The following MACROD2 variants were observed in gnomAD, a reference collection of about 807,000 sequenced individuals.
The protein encoded by MACROD2 is ADP-ribose glycohydrolase MACROD2.
MACROD2 carries 36 observed loss-of-function variants against 70.4 expected under a neutral mutation model. That is an observed-to-expected ratio of 0.51 (90% CI 0.39 to 0.68). The LOEUF (loss-of-function observed/expected upper bound fraction) is 0.68, where lower values mean the gene tolerates loss of function less well. MACROD2 is among the 30% of genes least tolerant of loss of function. The pLI is 0.00. For missense variants in MACROD2, 496 were observed against 538.4 expected, an observed-to-expected ratio of 0.92 and a Z score of 0.78; for synonymous variants, 172 against 178.8, an observed-to-expected ratio of 0.96 and a Z score of 0.30.
chr20:15,844,865 T>C (rs1331662939), intron 8 of MACROD2, among the ~76,000 whole-genome samples: 1 of 150,152 alleles, frequency 6.7e-6, no homozygotes, highest in Non-Finnish European at 1.5e-5. Flanking sequence ...CAGCTGCATA[T>C]TTTTTTTTAT....
At chr20:15,432,882 G>T (rs556300679) in intron 7 of MACROD2, among the ~76,000 whole-genome samples, 1 of 152,042 alleles carries the variant, frequency 6.6e-6, no homozygotes, top group African/African-American at 2.4e-5. Flanking sequence ...TATACTATAA[G>T]TAGGGGGGTG....
At chr20:14,348,291 T>TAAAG (rs150685543) in intron 3 of MACROD2, among the ~76,000 whole-genome samples, 107 of 137,616 alleles carry the variant, frequency 7.8e-4, no homozygotes, top group South Asian at 1.8e-3. Flanking sequence ...ATAAATAAAA[T>TAAAG]AAAGAAAGAA....
chr20:15,015,488 T>C (rs2122946838), intron 5 of MACROD2, among the ~76,000 whole-genome samples: 1 of 152,048 alleles, frequency 6.6e-6, no homozygotes, highest in South Asian at 2.1e-4. Flanking sequence ...TTTTTTTTTT[T>C]GGTAGTACCC....
chr20:14,546,664 A>C (rs149541524), intron 4 of MACROD2, among the ~76,000 whole-genome samples: 1 of 151,936 alleles, frequency 6.6e-6, no homozygotes, highest in Non-Finnish European at 1.5e-5. Flanking sequence ...CCTTCTTTTG[A>C]TCCCAACTTT....
intron 5 of MACROD2, among the ~76,000 whole-genome samples, chr20:14,825,394 T>C (rs897411484): frequency 2.0e-5 from 3 of 152,092 alleles, no homozygotes; most frequent in Admixed American, 6.6e-5. Context: ...TAGAAAGGTC[T>C]CCATATTGGT....
intron 6 of MACROD2, among the ~76,000 whole-genome samples, chr20:15,417,232 G>T (rs11087135): frequency 0.13 from 19,823 of 151,936 alleles, 1,486 homozygotes; most frequent in South Asian, 0.26. Flanking sequence ...ACAATTATCT[G>T]GTGTAGCCAT....
intron 3 of MACROD2, among the ~76,000 whole-genome samples, chr20:14,273,105 A>G (rs1256889859): frequency 1.3e-5 from 2 of 152,044 alleles, no homozygotes; most frequent in African/African-American, 4.8e-5. Flanking sequence ...AGTTAACAAG[A>G]ATACCCAGGA....
chr20:14,983,116 C>T (rs1186803196), intron 5 of MACROD2, among the ~76,000 whole-genome samples: 1 of 152,168 alleles, frequency 6.6e-6, no homozygotes, highest in Non-Finnish European at 1.5e-5. Flanking sequence ...TTTGACTGCC[C>T]TGCTGGATTT....
At chr20:15,671,692 T>C (rs1211288850) in intron 8 of MACROD2, among the ~76,000 whole-genome samples, 1 of 152,214 alleles carries the variant, frequency 6.6e-6, no homozygotes, top group Admixed American at 6.5e-5. Context: ...TGAGATGGAA[T>C]CATGGGAACA....
At chr20:15,276,351 GATT>G (rs2077391790) in intron 6 of MACROD2, among the ~76,000 whole-genome samples, 1 of 142,586 alleles carries the variant, frequency 7.0e-6, no homozygotes, top group Non-Finnish European at 1.5e-5. Flanking sequence ...AGTGAGCCGA[GATT>G]GTGCCACTGC....
chr20:14,475,900 T>A (rs758994422), intron 3 of MACROD2, among the ~76,000 whole-genome samples: 1 of 152,028 alleles, frequency 6.6e-6, no homozygotes, highest in Non-Finnish European at 1.5e-5. Flanking sequence ...GTTATTTGGT[T>A]TGAATCTGAT....
At chr20:15,927,078 T>A (rs1296567228) in intron 10 of MACROD2, among the ~76,000 whole-genome samples, 1 of 152,162 alleles carries the variant, frequency 6.6e-6, no homozygotes, top group Non-Finnish European at 1.5e-5. Flanking sequence ...ACCATTTGAT[T>A]TTTGGGAACC....
intron 6 of MACROD2, among the ~76,000 whole-genome samples, chr20:15,286,561 A>G (rs1016998077): frequency 3.3e-5 from 5 of 152,164 alleles, no homozygotes; most frequent in African/African-American, 9.7e-5. Context: ...TAAAGATAAG[A>G]TATGTTTTAT....
intron 3 of MACROD2, among the ~76,000 whole-genome samples, chr20:14,474,393 A>G (rs1311688121): frequency 6.6e-6 from 1 of 152,186 alleles, no homozygotes; most frequent in Non-Finnish European, 1.5e-5. Context: ...GTAGTCTAAC[A>G]TGTGGTCTAT....
chr20:14,469,838 T>A (rs1351918500), intron 3 of MACROD2, among the ~76,000 whole-genome samples: 1 of 152,064 alleles, frequency 6.6e-6, no homozygotes, highest in East Asian at 1.9e-4. Context: ...TAACCTTTTT[T>A]CAAGGTTCTT....
intron 2 of MACROD2, among the ~76,000 whole-genome samples, chr20:14,005,462 G>T (rs1413793352): frequency 6.6e-6 from 1 of 152,092 alleles, no homozygotes; most frequent in Non-Finnish European, 1.5e-5. Flanking sequence ...ATGTTGTGGG[G>T]ATTTTAAAAT....
rs116914083 is a variant in MACROD2, at chr20:14,903,486, A to G, written c.418+218527A>G. Among the ~76,000 whole-genome samples, 147 of 152,196 alleles carry G rather than the reference A, an allele frequency of 9.7e-4. 1 individual carries two copies. The highest frequency in any genetic ancestry group is 1.6e-3 in the Non-Finnish European group (112 of 68,016). On this transcript the variant is annotated intron_variant, in intron 5 of 17. Coordinates refer to ENST00000684519, the MANE Select transcript of MACROD2 (RefSeq NM_001351661.2). ...ATGAGAGTAGACTGATGATAACACAATTATGCCTGAAATTAATTTGAATAC... is the reference window on the plus strand; with the variant it reads ...ATGAGAGTAGACTGATGATAACACAGTTATGCCTGAAATTAATTTGAATAC...
chr20:14,541,894 A>G (rs967309086), intron 4 of MACROD2, among the ~76,000 whole-genome samples: 2 of 152,226 alleles, frequency 1.3e-5, no homozygotes, highest in Non-Finnish European at 2.9e-5. Flanking sequence ...TCTGATCATC[A>G]TAATACTACA....
At chr20:14,706,096 A>G (rs1432247655) in intron 5 of MACROD2, among the ~76,000 whole-genome samples, 1 of 152,100 alleles carries the variant, frequency 6.6e-6, no homozygotes, top group Non-Finnish European at 1.5e-5. Flanking sequence ...CGGGTGGATC[A>G]TGAGGTCAAG....
Sources: allele counts gnomAD v4.1 joint callset (sites outside exome capture counted in the v4.1 genomes callset), GRCh38; gene constraint gnomAD v4.1.1; transcripts MANE v1.5; gene names NCBI Gene and HGNC (gene_info 2026-07-23, HGNC 2026-07-21).